MTUS2: variants seen among roughly 807,000 people sequenced by gnomAD.
MTUS2 encodes microtubule associated scaffold protein 2, also known as microtubule-associated tumor suppressor candidate 2.
Under a neutral mutation model 114.1 loss-of-function variants are expected in MTUS2, and 40 were observed. The observed-to-expected ratio is 0.35, with a 90% confidence interval of 0.27 to 0.46. The LOEUF (loss-of-function observed/expected upper bound fraction) is 0.46, where lower values mean the gene tolerates loss of function less well. Among genes scored for constraint, MTUS2 ranks in the 20% least tolerant of loss-of-function variants. The pLI is 1.00. For synonymous variants in MTUS2, 688 were observed against 672.0 expected (o/e 1.02, Z -0.37); for missense variants, 1,679 against 1,705.4 (o/e 0.98, Z 0.27).
chr13:29,025,437 T>C lies in MTUS2; in HGVS notation c.739T>C (p.Ser247Pro), dbSNP rs750735074. ...EGKSVRHPKP[S>P]TSESKQSTPS... The stretch of plus-strand genomic sequence containing the variant: ...AAAGAGTGTGCGTCATCCTAAACCA[T>C]CTACCTCAGAAAGCAAGCAGAGCAC... Residue 247 changes from serine (S) to proline (P), a missense_variant, in exon 3 of 16, where the codon TCT (serine) becomes CCT (proline). By Grantham distance (74) the Ser-to-Pro change is moderately conservative. Transcript: ENST00000612955. The C allele has an allele frequency of 6.2e-7, 1 of 1,611,990 alleles. No homozygotes were observed. Among genetic ancestry groups the C allele is most frequent in the South Asian group, 1.1e-5 (1 of 90,882 alleles).
At chr13:29,087,482 G>A (rs1246774868) in intron 4 of MTUS2, among the ~76,000 whole-genome samples, 3 of 152,108 alleles carry the variant, frequency 2.0e-5, no homozygotes, top group Non-Finnish European at 4.4e-5. Flanking sequence ...GCTTTTTGAT[G>A]TGCTGCTAAA....
At chr13:29,489,597 T>A (rs1218188042) in intron 11 of MTUS2, 1 of 152,216 alleles carries the variant, frequency 6.6e-6, no homozygotes, top group African/African-American at 2.4e-5. Flanking sequence ...TGGAAGTTTT[T>A]AAAAATATAC....
chr13:29,245,430 G>A (rs1896885237), intron 5 of MTUS2, among the ~76,000 whole-genome samples: 1 of 152,184 alleles, frequency 6.6e-6, no homozygotes, highest in African/African-American at 2.4e-5. Flanking sequence ...AGGAGCTGGT[G>A]TGGAAGGGAG....
At chr13:29,014,584 T>C (rs1001192774) in intron 2 of MTUS2, among the ~76,000 whole-genome samples, 2 of 152,080 alleles carry the variant, frequency 1.3e-5, no homozygotes, top group Admixed American at 1.3e-4. Context: ...GGGAAAGAAA[T>C]GACAAGGGGC....
At position 29,503,698 on chromosome 13, in the gene MTUS2, T is replaced by G; in HGVS notation, c.*492T>G. 1 of 233,706 alleles carries G rather than the reference T, an allele frequency of 4.3e-6. No individual in the cohort carries two copies. Among genetic ancestry groups the G allele is most frequent in the Non-Finnish European group, 8.4e-6 (1 of 118,350 alleles). 14.5% of individuals were successfully genotyped at this position (233,706 alleles called of 1,614,324 possible). A position where few individuals can be genotyped will look rare whatever the true frequency, so the allele number is the denominator to read the frequency against. ...AATTATTGGGAAATGAAAATGCATT[T>G]CTATCTAGCTTCCCAGGAATATTTC... On this transcript the variant is annotated 3_prime_UTR_variant, in exon 16 of 16. Coordinates refer to ENST00000612955, the MANE Select transcript of MTUS2 (RefSeq NM_001033602.4).
At chr13:29,475,799 A>G (rs1419009383) in intron 9 of MTUS2, among the ~76,000 whole-genome samples, 1 of 152,264 alleles carries the variant, frequency 6.6e-6, no homozygotes, top group Non-Finnish European at 1.5e-5. Flanking sequence ...TGAAAAAATC[A>G]AAAAGTTTGT....
intron 8 of MTUS2, among the ~76,000 whole-genome samples, chr13:29,395,558 G>C (rs1160251823): frequency 6.6e-6 from 1 of 152,122 alleles, no homozygotes; most frequent in East Asian, 1.9e-4. Context: ...TCACTCAAAG[G>C]GTACCTGCAA....
chr13:29,319,420 A>G (rs1466000374), intron 6 of MTUS2, among the ~76,000 whole-genome samples: 2 of 152,160 alleles, frequency 1.3e-5, no homozygotes, highest in African/African-American at 4.8e-5. Flanking sequence ...GGCTCTCCCC[A>G]CATGGGAACA....
intron 8 of MTUS2, among the ~76,000 whole-genome samples, chr13:29,390,533 A>T (rs1403447504): frequency 6.6e-6 from 1 of 151,176 alleles, no homozygotes; most frequent in Non-Finnish European, 1.5e-5. Flanking sequence ...CGTGCCTATT[A>T]TCCCAGCTAC....
At chr13:29,105,046 T>G (rs979954527) in intron 5 of MTUS2, among the ~76,000 whole-genome samples, 8 of 152,190 alleles carry the variant, frequency 5.3e-5, no homozygotes, top group African/African-American at 1.9e-4. Context: ...AACCCAAAAT[T>G]ATTTTGAACA....
At chr13:29,198,015 A>G (rs1412055886) in intron 5 of MTUS2, among the ~76,000 whole-genome samples, 1 of 152,194 alleles carries the variant, frequency 6.6e-6, no homozygotes, top group African/African-American at 2.4e-5. Context: ...TCCGTTCTAT[A>G]GGTTGCCTGT....
At chr13:29,220,597 G>T (rs1895869619) in intron 5 of MTUS2, among the ~76,000 whole-genome samples, 1 of 152,194 alleles carries the variant, frequency 6.6e-6, no homozygotes, top group African/African-American at 2.4e-5. Flanking sequence ...CAATGGATCA[G>T]TCAGAACACA....
chr13:29,246,092 A>G (rs1192195861), intron 5 of MTUS2, among the ~76,000 whole-genome samples: 2 of 152,344 alleles, frequency 1.3e-5, no homozygotes, highest in East Asian at 3.9e-4. Flanking sequence ...TTTGTAAAAT[A>G]TGTATTTAAG....
chr13:28,858,606 C>G (rs1161459), intron 2 of MTUS2, among the ~76,000 whole-genome samples: 107,154 of 152,040 alleles, frequency 0.7, 39,028 homozygotes, highest in Non-Finnish European at 0.79. Flanking sequence ...ATCCCCCACC[C>G]TCAAACTTAG....
At chr13:29,497,627 C>A (rs910025116) in intron 13 of MTUS2, 4 of 425,950 alleles carry the variant, frequency 9.4e-6, no homozygotes, top group African/African-American at 7.9e-5. Flanking sequence ...GGAAACCCCC[C>A]TCCGCTGGCC....
intron 2 of MTUS2, among the ~76,000 whole-genome samples, chr13:28,942,465 A>C (rs1311933800): frequency 1.3e-5 from 2 of 152,252 alleles, no homozygotes; most frequent in East Asian, 3.8e-4. Flanking sequence ...ATTTTTAGGA[A>C]TATAACTAAC....
At chr13:29,298,507 G>A (rs965097315) in intron 6 of MTUS2, among the ~76,000 whole-genome samples, 3 of 152,204 alleles carry the variant, frequency 2.0e-5, no homozygotes, top group Non-Finnish European at 4.4e-5. Flanking sequence ...GCACTTTGAT[G>A]ATGTGTACAT....
chr13:29,326,155 A>C (rs1191131521), intron 7 of MTUS2, among the ~76,000 whole-genome samples: 1 of 152,194 alleles, frequency 6.6e-6, no homozygotes, highest in African/African-American at 2.4e-5. Context: ...ACCCTGCGGG[A>C]GACTGACTGA....
At chr13:29,044,351 T>C (rs1358937) in intron 4 of MTUS2, among the ~76,000 whole-genome samples, 145,421 of 152,176 alleles carry the variant, frequency 0.96, 69,591 homozygotes, top group South Asian at 0.98. Flanking sequence ...TTTCTCTGGC[T>C]GCCTTAAAGA....
Sources: gnomAD v4.1 joint callset for allele counts (sites outside exome capture counted in the v4.1 genomes callset) on GRCh38, gnomAD v4.1.1 for gene constraint, MANE v1.5 for transcripts, NCBI Gene and HGNC (gene_info 2026-07-23, HGNC 2026-07-21) for gene names.